The following CACNA2D3 variants were observed in gnomAD, a reference collection of about 807,000 sequenced individuals.
CACNA2D3 encodes the protein voltage-dependent calcium channel subunit alpha-2/delta-3.
CACNA2D3 carries 60 observed loss-of-function variants against 160.6 expected under a neutral mutation model. That is an observed-to-expected ratio of 0.37 (90% CI 0.30 to 0.46). CACNA2D3 has a LOEUF of 0.46. CACNA2D3 is among the 20% of genes least tolerant of loss of function. The pLI is 1.00. For missense variants in CACNA2D3, 1,205 were observed against 1,365.0 expected, an observed-to-expected ratio of 0.88 and a Z score of 1.85; for synonymous variants, 558 against 492.9, an observed-to-expected ratio of 1.13 and a Z score of -1.75.
chr3:54,960,853 G>T (rs1305341228), intron 27 of CACNA2D3, among the ~76,000 whole-genome samples: 1 of 152,170 alleles, frequency 6.6e-6, no homozygotes, highest in Non-Finnish European at 1.5e-5. Context: ...TCACATTGCA[G>T]TTTTAAATTG....
chr3:54,884,331 A>G lies in CACNA2D3; in HGVS notation c.1913-950A>G, dbSNP rs112803798. 3.2e-3 allele frequency among the ~76,000 whole-genome samples: 488 copies of G among 152,346 alleles called. 3 individuals carry two copies. The highest frequency in any genetic ancestry group is 0.011 in the African/African-American group (460 of 41,574). ...TAGGTGTTGGAGCGTGGGTATGCCC[A>G]CTTGGATCATATGCAATGATGTTCA... On this transcript the variant is annotated intron_variant, in intron 21 of 37. Transcript: ENST00000474759.
chr3:54,808,153 T>C (rs1340173825), intron 13 of CACNA2D3, among the ~76,000 whole-genome samples: 1 of 151,646 alleles, frequency 6.6e-6, no homozygotes, highest in African/African-American at 2.4e-5. Flanking sequence ...CATGTATACA[T>C]ATGTAACTAA....
At chr3:54,814,223 C>T (rs898942731) in intron 13 of CACNA2D3, among the ~76,000 whole-genome samples, 1 of 152,186 alleles carries the variant, frequency 6.6e-6, no homozygotes, top group Non-Finnish European at 1.5e-5. Flanking sequence ...TCCTTCTCAA[C>T]ATAGCCCTTC....
At chr3:54,566,844 G>A (rs995222081) in intron 6 of CACNA2D3, among the ~76,000 whole-genome samples, 9 of 152,156 alleles carry the variant, frequency 5.9e-5, no homozygotes, top group African/African-American at 1.9e-4. Context: ...CACGATGAGG[G>A]AGCTGAACAG....
intron 35 of CACNA2D3, among the ~76,000 whole-genome samples, chr3:55,019,212 A>G (rs1344417051): frequency 6.6e-6 from 1 of 151,810 alleles, no homozygotes; most frequent in Non-Finnish European, 1.5e-5. Flanking sequence ...GTATCTCTTT[A>G]ATTATTATAG....
At chr3:54,434,007 T>C (rs1485184425) in intron 4 of CACNA2D3, among the ~76,000 whole-genome samples, 1 of 152,154 alleles carries the variant, frequency 6.6e-6, no homozygotes, top group African/African-American at 2.4e-5. Context: ...AGCTAATCGT[T>C]CCTTGCCTGA....
chr3:54,599,093 CG>C (rs1329780707), intron 9 of CACNA2D3, among the ~76,000 whole-genome samples: 1 of 152,176 alleles, frequency 6.6e-6, no homozygotes. Flanking sequence ...CTTGCAGGTG[CG>C]GCCGCCTTGG....
chr3:54,394,318 A>T (rs1341441509), intron 4 of CACNA2D3, among the ~76,000 whole-genome samples: 24 of 139,286 alleles, frequency 1.7e-4, no homozygotes, highest in African/African-American at 3.5e-4. Flanking sequence ...GAGAGTGAAC[A>T]TTTTTTTTTT....
intron 2 of CACNA2D3, among the ~76,000 whole-genome samples, chr3:54,225,167 TTG>T (rs1277199593): frequency 6.6e-6 from 1 of 151,850 alleles, no homozygotes; most frequent in Non-Finnish European, 1.5e-5. Flanking sequence ...GGTGTTTTCA[TTG>T]TTCAATTCCC....
intron 16 of CACNA2D3, among the ~76,000 whole-genome samples, chr3:54,844,301 C>T (rs139385510): frequency 7.9e-5 from 12 of 152,032 alleles, no homozygotes; most frequent in East Asian, 3.9e-4. Flanking sequence ...CCCTGGCAAC[C>T]GTAGAGAAAG....
intron 2 of CACNA2D3, among the ~76,000 whole-genome samples, chr3:54,227,019 TAG>T (rs906249450): frequency 6.6e-6 from 1 of 152,182 alleles, no homozygotes; most frequent in African/African-American, 2.4e-5. Flanking sequence ...CTATGTTTGG[TAG>T]AGAGAGCTCT....
In CACNA2D3 at chr3:54,468,822, A is replaced by T. The variant is rs142612521; in HGVS notation, c.382-34670A>T. On this transcript the variant is annotated intron_variant, in intron 4 of 37. Transcript: ENST00000474759. ...TAAACAAAGCTGCTGGGAAGTTCGA[A>T]CTGGGTGGAGCCCACTGCAGCTCAG... 2.0e-5 allele frequency among the ~76,000 whole-genome samples: 3 copies of T among 152,234 alleles called. No homozygotes were observed. The East Asian group carries it at 5.8e-4, about 30-fold the overall frequency.
At chr3:54,591,829 G>A (rs989171182) in intron 9 of CACNA2D3, among the ~76,000 whole-genome samples, 4 of 110,458 alleles carry the variant, frequency 3.6e-5, no homozygotes, top group African/African-American at 6.9e-5. Context: ...TAGAACTCGC[G>A]GTGTGATCAT....
intron 4 of CACNA2D3, among the ~76,000 whole-genome samples, chr3:54,481,842 A>C (rs531707505): frequency 1.3e-5 from 2 of 152,318 alleles, no homozygotes; most frequent in South Asian, 2.1e-4. Context: ...TATGGGTGCA[A>C]ATGTGCTCAC....
At chr3:54,407,586 TAC>T (rs138873655) in intron 4 of CACNA2D3, among the ~76,000 whole-genome samples, 2 of 151,994 alleles carry the variant, frequency 1.3e-5, no homozygotes. Context: ...TCTCAGTTGT[TAC>T]ACACACACAC....
At chr3:54,369,494 A>C (rs1336829457) in intron 3 of CACNA2D3, among the ~76,000 whole-genome samples, 1 of 152,050 alleles carries the variant, frequency 6.6e-6, no homozygotes, top group Non-Finnish European at 1.5e-5. Context: ...TGCTGTCCCC[A>C]CTGGACCCCA....
At chr3:54,822,790 C>CTTTCTTTCTTTTTCTTTCTTTCTTTT (rs1491160047) in intron 14 of CACNA2D3, among the ~76,000 whole-genome samples, 1 of 71,910 alleles carries the variant, frequency 1.4e-5, no homozygotes, top group African/African-American at 5.8e-5. Flanking sequence ...TTCTTTCTTT[C>CTTTCTTTCTTTTTCTTTCTTTCTTTT]CTTTCTTTCT....
At chr3:54,426,329 G>C (rs1055247152) in intron 4 of CACNA2D3, among the ~76,000 whole-genome samples, 1 of 152,174 alleles carries the variant, frequency 6.6e-6, no homozygotes, top group Non-Finnish European at 1.5e-5. Flanking sequence ...TTATGTTGTT[G>C]TTCTTTAGCC....
intron 3 of CACNA2D3, among the ~76,000 whole-genome samples, chr3:54,382,691 G>T (rs1380330658): frequency 6.6e-6 from 1 of 152,218 alleles, no homozygotes; most frequent in Admixed American, 6.5e-5. Flanking sequence ...GGCTGAGGCA[G>T]GAGAATAGCT....
Sources: allele counts gnomAD v4.1 joint callset (sites outside exome capture counted in the v4.1 genomes callset), GRCh38; gene constraint gnomAD v4.1.1; transcripts MANE v1.5; gene names NCBI Gene and HGNC (gene_info 2026-07-23, HGNC 2026-07-21).